Variants in DLG2 observed in about 807,000 individuals in gnomAD.
DLG2 encodes disks large homolog 2.
Under a neutral mutation model 132.5 loss-of-function variants are expected in DLG2, and 45 were observed. The ratio of observed to expected loss-of-function variants is 0.34; its 90% CI spans 0.27 to 0.44. DLG2 has a LOEUF of 0.44. Ranked by LOEUF, DLG2 falls within the 20% of genes least tolerant of loss-of-function variation. The probability of loss-of-function intolerance (pLI) is 1.00; values close to 1 mark genes in which losing one functional copy is unlikely to be tolerated. For missense variants in DLG2, 1,045 were observed against 1,196.9 expected, an observed-to-expected ratio of 0.87 and a Z score of 1.87; for synonymous variants, 424 against 419.6, an observed-to-expected ratio of 1.01 and a Z score of -0.13.
chr11:85,495,561 C>T (rs1459763204), intron 3 of DLG2, among the ~76,000 whole-genome samples: 1 of 152,082 alleles, frequency 6.6e-6, no homozygotes, highest in African/African-American at 2.4e-5. Context: ...TAGAAAAATG[C>T]AAATCAAAAC....
chr11:84,655,331 C>T (rs1243876103), intron 6 of DLG2, among the ~76,000 whole-genome samples: 1 of 152,158 alleles, frequency 6.6e-6, no homozygotes, highest in Non-Finnish European at 1.5e-5. Context: ...AGAATGCAAA[C>T]ATACTTTGAC....
chr11:85,594,994 G>C (rs2079633254), intron 3 of DLG2, among the ~76,000 whole-genome samples: 1 of 150,096 alleles, frequency 6.7e-6, no homozygotes, highest in Non-Finnish European at 1.5e-5. Flanking sequence ...TGAACCAGGA[G>C]GCAGAAGTTG....
intron 3 of DLG2, among the ~76,000 whole-genome samples, chr11:85,381,412 T>G (rs576049046): frequency 1.3e-3 from 193 of 152,306 alleles, no homozygotes; most frequent in Middle Eastern, 0.01. Flanking sequence ...GGTGAAAGAC[T>G]GAAAGGTTTT....
At chr11:85,281,308 T>G (rs2078207686) in intron 4 of DLG2, among the ~76,000 whole-genome samples, 1 of 152,062 alleles carries the variant, frequency 6.6e-6, no homozygotes, top group African/African-American at 2.4e-5. Flanking sequence ...ATCAAAGTTT[T>G]GCTTCAGAAG....
chr11:83,839,290 C>T, intron 16 of DLG2, among the ~76,000 whole-genome samples: 1 of 152,146 alleles, frequency 6.6e-6, no homozygotes, highest in East Asian at 1.9e-4. Context: ...AATTATGATA[C>T]TTACTTTAAT....
At chr11:83,582,888 A>G (rs750830502) in intron 19 of DLG2, among the ~76,000 whole-genome samples, 1 of 152,208 alleles carries the variant, frequency 6.6e-6, no homozygotes, top group African/African-American at 2.4e-5. Context: ...TTGTTGCTAA[A>G]AAGTATAACA....
intron 17 of DLG2, among the ~76,000 whole-genome samples, chr11:83,805,865 T>C (rs1316247996): frequency 6.6e-6 from 1 of 152,106 alleles, no homozygotes; most frequent in Non-Finnish European, 1.5e-5. Flanking sequence ...TCCCATATCA[T>C]TGGTGGAAAA....
chr11:83,676,801 C>G (rs998778007), intron 18 of DLG2, among the ~76,000 whole-genome samples: 1 of 152,142 alleles, frequency 6.6e-6, no homozygotes, highest in African/African-American at 2.4e-5. Context: ...GAGAAGGAAT[C>G]ACACTTGCAA....
At chr11:85,162,461 T>C (rs2078106082) in intron 4 of DLG2, among the ~76,000 whole-genome samples, 1 of 150,544 alleles carries the variant, frequency 6.6e-6, no homozygotes, top group Admixed American at 6.6e-5. Context: ...GAATGGTTAG[T>C]AGAAGAAGGT....
chr11:85,219,977 A>G (rs1264380162), intron 4 of DLG2, among the ~76,000 whole-genome samples: 1 of 151,944 alleles, frequency 6.6e-6, no homozygotes, highest in Non-Finnish European at 1.5e-5. Flanking sequence ...AGAAATTACA[A>G]CTGCTTTTTG....
At chr11:83,541,980 A>C (rs2096080975) in intron 19 of DLG2, 122 bp from the exon 20 acceptor site, 1 of 899,150 alleles carries the variant, frequency 1.1e-6, no homozygotes. Context: ...CAACTCCCGG[A>C]ATGATTCCCT....
intron 18 of DLG2, among the ~76,000 whole-genome samples, chr11:83,742,613 C>A (rs2092612476): frequency 6.6e-6 from 1 of 152,110 alleles, no homozygotes; most frequent in South Asian, 2.1e-4. Flanking sequence ...TGAATTAGCT[C>A]AACTCTGGAT....
chr11:84,697,154 A>G (rs977072079), intron 6 of DLG2, among the ~76,000 whole-genome samples: 1 of 151,452 alleles, frequency 6.6e-6, no homozygotes, highest in African/African-American at 2.4e-5. Context: ...AAAATACAAG[A>G]AACCTAATCA....
chr11:85,308,313 T>C (rs1445930047), intron 3 of DLG2, among the ~76,000 whole-genome samples: 3 of 151,750 alleles, frequency 2.0e-5, no homozygotes, highest in African/African-American at 7.3e-5. Context: ...ATGCTAGTTA[T>C]CCTATTTACC....
intron 19 of DLG2, among the ~76,000 whole-genome samples, chr11:83,610,161 G>C (rs765981604): frequency 1.3e-5 from 2 of 152,132 alleles, no homozygotes; most frequent in Non-Finnish European, 2.9e-5. Context: ...GTACTATGCA[G>C]CGTCCCCAAG....
chr11:85,002,295 G>A lies in DLG2; in HGVS notation c.357+109366C>T, dbSNP rs540435226. Among the ~76,000 whole-genome samples, 5 of 152,216 alleles carry A rather than the reference G, an allele frequency of 3.3e-5. 1 individual carries two copies. The South Asian group carries it at 8.3e-4, about 25-fold the overall frequency. ...GCTAGTCTGTGGGAAAGAAACTTGG[G>A]ATTGCCTTAAAAAGAAAGGTATTAC... On this transcript the variant is annotated intron_variant, in intron 6 of 27. Transcript: ENST00000376104.
intron 6 of DLG2, among the ~76,000 whole-genome samples, chr11:84,666,992 T>A (rs185481942): frequency 4.3e-4 from 66 of 152,278 alleles, no homozygotes; most frequent in African/African-American, 1.5e-3. Context: ...CCCTCTTTTT[T>A]AACCCAGTTT....
intron 3 of DLG2, among the ~76,000 whole-genome samples, chr11:85,543,100 C>T (rs2076078435): frequency 5.9e-5 from 9 of 151,988 alleles, no homozygotes; most frequent in Admixed American, 3.3e-4. Context: ...AACCCGTCAT[C>T]TACATTAGGC....
At chr11:83,493,389 TTCC>T (rs1260315790) in intron 21 of DLG2, among the ~76,000 whole-genome samples, 1 of 111,366 alleles carries the variant, frequency 9.0e-6, no homozygotes, top group East Asian at 2.8e-4. Context: ...CCTTCCTTCC[TTCC>T]TTTCTCTCTC....
Sources: gnomAD v4.1 joint callset for allele counts (sites outside exome capture counted in the v4.1 genomes callset) on GRCh38, gnomAD v4.1.1 for gene constraint, MANE v1.5 for transcripts, NCBI Gene and HGNC (gene_info 2026-07-23, HGNC 2026-07-21) for gene names.